Variants in SCAMP1 observed in about 807,000 individuals in gnomAD.
SCAMP1 encodes the protein secretory carrier membrane protein 1.
In SCAMP1, 15 loss-of-function variants were observed where a neutral mutation model predicts 41.8. The ratio of observed to expected loss-of-function variants is 0.36; its 90% confidence interval spans 0.24 to 0.55. The LOEUF (loss-of-function observed/expected upper bound fraction) is 0.55, where lower values mean the gene tolerates loss of function less well. Among genes scored for constraint, SCAMP1 ranks in the 20% least tolerant of loss-of-function variants. The pLI is 0.86. For synonymous variants in SCAMP1, 135 were observed against 136.8 expected, an observed-to-expected ratio of 0.99 and a Z score of 0.09; for missense variants, 341 against 412.6, an observed-to-expected ratio of 0.83 and a Z score of 1.50.
chr5:78,365,987 C>A (rs780306808), intron 1 of SCAMP1, among the ~76,000 whole-genome samples: 18 of 152,010 alleles, frequency 1.2e-4, no homozygotes, highest in Non-Finnish European at 2.5e-4. Context: ...TTATAAACAA[C>A]AGAAATTTAT....
At chr5:78,439,605 C>T (rs1432592864) in intron 6 of SCAMP1, among the ~76,000 whole-genome samples, 1 of 152,158 alleles carries the variant, frequency 6.6e-6, no homozygotes, top group Non-Finnish European at 1.5e-5. Context: ...GATGGGCTTA[C>T]CTTTGTGAGT....
Position 78,478,527 on chromosome 5 carries a change from C to T in SCAMP1, c.*2859C>T, listed in dbSNP as rs543003495. On this transcript the variant is annotated 3_prime_UTR_variant, in exon 9 of 9. Transcript: ENST00000621999. ...GCTTCACCCATATTAAATATTTTGGCCCCTTTAAGGTCAAAATACAGATCA... is the reference window on the plus strand; with the variant it reads ...GCTTCACCCATATTAAATATTTTGGTCCCTTTAAGGTCAAAATACAGATCA... The T allele has an allele frequency of 6.6e-6, 1 of 152,270 alleles. No individual in the cohort carries two copies. The highest frequency in any genetic ancestry group is 1.9e-4 in the East Asian group (1 of 5,188). The allele number at this position is 152,270 out of a possible 1,614,324, so 9.4% of individuals were successfully genotyped here.
At chr5:78,453,520 G>C (rs903967854) in intron 7 of SCAMP1, among the ~76,000 whole-genome samples, 2 of 151,688 alleles carry the variant, frequency 1.3e-5, no homozygotes, top group African/African-American at 4.9e-5. Context: ...ATTTCTGAGG[G>C]CTCTGTTCTG....
chr5:78,458,327 G>T (rs1423927970), intron 7 of SCAMP1, among the ~76,000 whole-genome samples: 1 of 152,078 alleles, frequency 6.6e-6, no homozygotes, highest in African/African-American at 2.4e-5. Context: ...AGCATTTAGT[G>T]GTTATTACTT....
chr5:78,462,026 A>G (rs1413251756), intron 8 of SCAMP1, among the ~76,000 whole-genome samples: 1 of 152,182 alleles, frequency 6.6e-6, no homozygotes, highest in Non-Finnish European at 1.5e-5. Flanking sequence ...GAATCTATAT[A>G]TTGCTTTGGA....
intron 1 of SCAMP1, among the ~76,000 whole-genome samples, chr5:78,387,362 CT>C (rs141037666): frequency 0.28 from 37,582 of 135,504 alleles, 5,113 homozygotes; most frequent in East Asian, 0.54. Flanking sequence ...TATCCTGTAT[CT>C]TTTTTTTTTT....
At chr5:78,452,356 A>AT (rs1753259768) in intron 7 of SCAMP1, among the ~76,000 whole-genome samples, 1 of 116,412 alleles carries the variant, frequency 8.6e-6, no homozygotes, top group South Asian at 3.3e-4. Flanking sequence ...ACCCCACGAC[A>AT]GTCCCCAGAG....
chr5:78,456,672 C>G (rs1753413494), intron 7 of SCAMP1, among the ~76,000 whole-genome samples: 1 of 150,872 alleles, frequency 6.6e-6, no homozygotes, highest in East Asian at 1.9e-4. Flanking sequence ...CTTGGAGTTG[C>G]TCTTCTTGAG....
intron 8 of SCAMP1, among the ~76,000 whole-genome samples, chr5:78,470,880 A>T (rs1482100360): frequency 6.6e-5 from 10 of 152,162 alleles, no homozygotes; most frequent in South Asian, 2.1e-4. Context: ...AAAAACATTT[A>T]ACCTCTGAGG....
chr5:78,372,514 G>A (rs1298008301), intron 1 of SCAMP1, among the ~76,000 whole-genome samples: 2 of 151,558 alleles, frequency 1.3e-5, no homozygotes, highest in Non-Finnish European at 2.9e-5. Flanking sequence ...ACATTGAAAA[G>A]TAATCATAAC....
At chr5:78,366,754 G>A (rs1750806119) in intron 1 of SCAMP1, among the ~76,000 whole-genome samples, 1 of 152,034 alleles carries the variant, frequency 6.6e-6, no homozygotes, top group Non-Finnish European at 1.5e-5. Context: ...GGGAAGCCAA[G>A]GCAGGAGGAT....
At chr5:78,372,980 A>G (rs1283851957) in intron 1 of SCAMP1, among the ~76,000 whole-genome samples, 5 of 152,264 alleles carry the variant, frequency 3.3e-5, no homozygotes, top group African/African-American at 1.2e-4. Flanking sequence ...TATAAGAAAC[A>G]TAACAACAAC....
Position 78,460,787 on chromosome 5 carries a change from TC to T in SCAMP1, c.852+1427del, listed in dbSNP as rs1363750054. ...TTCCTTCCTTCCTTCCTTCCTTCCT[TC>T]CTTCCTTCCTTCCTTCCTCCCTTCC... On this transcript the variant is annotated intron_variant, in intron 8 of 8. Transcript: ENST00000621999. Among the ~76,000 whole-genome samples the T allele has an allele frequency of 8.4e-4, 40 of 47,350 alleles. 5 individuals carry two copies. The highest frequency in any genetic ancestry group is 4.4e-3 in the African/African-American group (34 of 7,652). 31.1% of individuals were successfully genotyped at this position (47,350 alleles called of 152,430 possible).
rs201683583 is a variant in SCAMP1, at chr5:78,393,179, C to CAT, written c.135+4276_135+4277dup. Among the ~76,000 whole-genome samples the CAT allele has an allele frequency of 1.4e-3, 209 of 151,912 alleles. 1 individual carries two copies. Among genetic ancestry groups the CAT allele is most frequent in the Non-Finnish European group, 2.0e-3 (138 of 67,952 alleles). ...TATGGAAATCTTGAGTAATTATATA[C>CAT]ATATATATATATTTAGAGATAGGGT... On this transcript the variant is annotated intron_variant, in intron 2 of 8. Coordinates refer to ENST00000621999, the MANE Select transcript of SCAMP1 (RefSeq NM_004866.6).
chr5:78,385,535 T>G (rs1387862244), intron 1 of SCAMP1, among the ~76,000 whole-genome samples: 1 of 152,192 alleles, frequency 6.6e-6, no homozygotes, highest in Non-Finnish European at 1.5e-5. Context: ...GGTGTGACCT[T>G]AGATTGTCTA....
chr5:78,430,056 TATAA>T (rs1366570236), intron 6 of SCAMP1, among the ~76,000 whole-genome samples: 4 of 119,558 alleles, frequency 3.3e-5, no homozygotes, highest in East Asian at 4.1e-4. Context: ...AGTATTTATT[TATAA>T]ATACAGTATT....
At chr5:78,377,311 T>TC (rs1751090313) in intron 1 of SCAMP1, among the ~76,000 whole-genome samples, 2 of 152,164 alleles carry the variant, frequency 1.3e-5, no homozygotes, top group African/African-American at 4.8e-5. Context: ...CTGGCCACCT[T>TC]CCTATAACTT....
At chr5:78,364,988 C>T (rs977069148) in intron 1 of SCAMP1, among the ~76,000 whole-genome samples, 1 of 130,258 alleles carries the variant, frequency 7.7e-6, no homozygotes, top group Non-Finnish European at 1.7e-5. Flanking sequence ...GTAACCTGTA[C>T]GTTGTGCACA....
At chr5:78,462,153 T>C (rs1373215492) in intron 8 of SCAMP1, among the ~76,000 whole-genome samples, 1 of 151,796 alleles carries the variant, frequency 6.6e-6, no homozygotes, top group African/African-American at 2.4e-5. Flanking sequence ...TCTTATGGAG[T>C]TCTTTCACCT....
Sources: allele counts gnomAD v4.1 joint callset (sites outside exome capture counted in the v4.1 genomes callset), GRCh38; gene constraint gnomAD v4.1.1; transcripts MANE v1.5; gene names NCBI Gene and HGNC (gene_info 2026-07-23, HGNC 2026-07-21).